The following PFKP variants were observed in gnomAD, a reference collection of about 807,000 sequenced individuals.
PFKP encodes the protein phosphofructokinase, platelet.
Under a neutral mutation model 94.3 loss-of-function variants are expected in PFKP, and 101 were observed. That is an observed-to-expected ratio of 1.07 (90% CI 0.91 to 1.26). PFKP has a LOEUF of 1.26. Among genes scored for constraint, PFKP ranks in the 50% most tolerant of loss-of-function variants. PFKP has a pLI of 0.00. For missense variants in PFKP, 1,145 were observed against 1,103.3 expected (o/e 1.04, Z -0.53); for synonymous variants, 573 against 432.6 (o/e 1.32, Z -4.03).
intron 11 of PFKP, among the ~76,000 whole-genome samples, chr10:3,112,774 G>T (rs1470200284): frequency 1.3e-5 from 2 of 152,166 alleles, no homozygotes; most frequent in East Asian, 3.9e-4. Flanking sequence ...CAACATGTTG[G>T]CCAGGCTGGT....
intron 1 of PFKP, among the ~76,000 whole-genome samples, chr10:3,077,257 TTTTC>T (rs1164922349): frequency 6.0e-5 from 6 of 100,592 alleles, no homozygotes; most frequent in African/African-American, 1.0e-4. Flanking sequence ...TACTTTTTTT[TTTTC>T]TTTTTTTTTT....
chr10:3,076,467 TTCTCCAAACG>T (rs1406439826), intron 1 of PFKP, among the ~76,000 whole-genome samples: 6 of 152,092 alleles, frequency 3.9e-5, no homozygotes, highest in Non-Finnish European at 8.8e-5. Flanking sequence ...CTTTCCTTCT[TTCTCCAAACG>T]TCACTCTCAG....
At chr10:3,079,401 A>C (rs1168747470) in intron 1 of PFKP, among the ~76,000 whole-genome samples, 6 of 151,580 alleles carry the variant, frequency 4.0e-5, no homozygotes, top group Non-Finnish European at 8.8e-5. Context: ...CGCCTGGCTA[A>C]TTTTTTGTAT....
intron 1 of PFKP, among the ~76,000 whole-genome samples, chr10:3,074,260 T>C (rs749353575): frequency 6.6e-6 from 1 of 152,076 alleles, no homozygotes; most frequent in Non-Finnish European, 1.5e-5. Context: ...TGTGGTGAGG[T>C]GCGGGTACGA....
intron 1 of PFKP, among the ~76,000 whole-genome samples, chr10:3,081,999 T>G (rs1018102913): frequency 4.0e-5 from 5 of 126,224 alleles, no homozygotes; most frequent in African/African-American, 1.4e-4. Context: ...TTTTTTTTTT[T>G]TTTTTTTTTT....
At chr10:3,107,525 C>T (rs1468948299) in intron 8 of PFKP, among the ~76,000 whole-genome samples, 5 of 152,226 alleles carry the variant, frequency 3.3e-5, no homozygotes, top group Non-Finnish European at 7.3e-5. Flanking sequence ...TTGCCGAGCC[C>T]GTAGAGGTTC....
intron 17 of PFKP, among the ~76,000 whole-genome samples, chr10:3,130,307 G>A (rs1382874944): frequency 1.3e-5 from 2 of 152,218 alleles, no homozygotes; most frequent in African/African-American, 2.4e-5. Flanking sequence ...CACCACCCAC[G>A]TCTGCGACAG....
In PFKP at chr10:3,129,950, T is replaced by A; in HGVS notation, c.1815T>A (p.Ile605=). ...CGGCCGGAGCTGATGCCGCATACATTTTCGAAGAGCCCTTCGACATCAGGG... is the reference window on the plus strand; with the variant it reads ...CGGCCGGAGCTGATGCCGCATACATATTCGAAGAGCCCTTCGACATCAGGG... ...GLAAGADAAY[I]FEEPFDIRDL... The change falls in exon 17 of 22, where the codon ATT becomes ATA. Residue 605 remains isoleucine (I), a synonymous_variant. Coordinates refer to ENST00000381125, the MANE Select transcript of PFKP (RefSeq NM_002627.5). The A allele has an allele frequency of 6.3e-7, 1 of 1,599,806 alleles. No individual in the cohort carries two copies. Among genetic ancestry groups the A allele is most frequent in the Non-Finnish European group, 8.5e-7 (1 of 1,172,008 alleles).
chr10:3,076,134 T>G lies in PFKP; in HGVS notation c.113-6254T>G, dbSNP rs189301976. Among the ~76,000 whole-genome samples the G allele has an allele frequency of 7.4e-3, 1,127 of 152,232 alleles. 13 individuals carry two copies. The highest frequency in any genetic ancestry group is 0.026 in the African/African-American group (1,094 of 41,530). On this transcript the variant is annotated intron_variant, in intron 1 of 21. Transcript: ENST00000381125. Reference sequence around the variant, plus strand: ...TGTAGATTATTCATATTTTACACTGTTTTCCGTAGTAAGTCTTTGAAACCC... The same window carrying G: ...TGTAGATTATTCATATTTTACACTGGTTTCCGTAGTAAGTCTTTGAAACCC...
chr10:3,092,856 C>G (rs1330759313), intron 2 of PFKP, among the ~76,000 whole-genome samples: 1 of 152,012 alleles, frequency 6.6e-6, no homozygotes, highest in Non-Finnish European at 1.5e-5. Flanking sequence ...TGCTGGTGCT[C>G]CCCTGTCTGA....
At chr10:3,074,312 T>G (rs1469968217) in intron 1 of PFKP, among the ~76,000 whole-genome samples, 1 of 152,190 alleles carries the variant, frequency 6.6e-6, no homozygotes, top group Non-Finnish European at 1.5e-5. Flanking sequence ...TCCTGTCTTA[T>G]GAAAGGGCCC....
chr10:3,080,881 A>G (rs559867599), intron 1 of PFKP, among the ~76,000 whole-genome samples: 1 of 152,210 alleles, frequency 6.6e-6, no homozygotes, highest in Non-Finnish European at 1.5e-5. Flanking sequence ...TGTTAGCAGC[A>G]TTCAGCGCCA....
intron 14 of PFKP, 149 bp downstream of exon 14, chr10:3,116,995 C>A (rs1403624930): frequency 4.3e-6 from 3 of 695,614 alleles, no homozygotes; most frequent in Non-Finnish European, 7.9e-6. Context: ...GTCCTCCCTC[C>A]AGTGGAACTG....
At position 3,079,667 on chromosome 10, in the gene PFKP, G is replaced by A. The variant is rs566452225; in HGVS notation, c.113-2721G>A. ...GAGGTCTTCAGAGAGCGGGGTGGGGGGGGGGGGAAGAGGAGCAGGGGTGAG... is the reference window on the plus strand; with the variant it reads ...GAGGTCTTCAGAGAGCGGGGTGGGGAGGGGGGGAAGAGGAGCAGGGGTGAG... On this transcript the variant is annotated intron_variant, in intron 1 of 21. Transcript: ENST00000381125. 2.5e-5 allele frequency among the ~76,000 whole-genome samples: 3 copies of A among 122,400 alleles called. 1 individual carries two copies. Among genetic ancestry groups the A allele is most frequent in the East Asian group, 2.8e-4 (1 of 3,548 alleles). The allele number at this position is 122,400 out of a possible 152,430, so 80.3% of individuals were successfully genotyped here. A position where few individuals can be genotyped will look rare whatever the true frequency, so the allele number is the denominator to read the frequency against.
chr10:3,100,918 C>A (rs763720074), intron 3 of PFKP: 1 of 1,577,018 alleles, frequency 6.3e-7, no homozygotes, highest in Admixed American at 1.7e-5. Context: ...GTTTTACTTG[C>A]AGGTGCTGTA....
chr10:3,129,960 C>A lies in PFKP; in HGVS notation c.1825C>A (p.Pro609Thr), dbSNP rs765991943. The A allele has an allele frequency of 1.3e-6, 2 of 1,589,490 alleles. No homozygotes were observed. The highest frequency in any genetic ancestry group is 2.7e-5 in the African/African-American group (2 of 74,610). ...GADAAYIFEE[P>T]FDIRDLQSNV... The stretch of plus-strand genomic sequence containing the variant: ...TGATGCCGCATACATTTTCGAAGAG[C>A]CCTTCGACATCAGGGATCTGCAGGT... The change falls in exon 17 of 22, where the codon CCC (proline) becomes ACC (threonine). Residue 609 changes from proline (P) to threonine (T), a missense_variant. Physicochemically the swap from Pro to Thr is conservative, Grantham distance 38. Around this residue, in one of 3 missense-constraint regions of PFKP, gnomAD observed 1,119 missense variants for 1,062.8 expected, o/e 1.05. Transcript: ENST00000381125.
At position 3,123,231 on chromosome 10, in the gene PFKP, C is replaced by T. The variant is rs139955996; in HGVS notation, c.1683+3187C>T. ...CCTTAGCACTGGCCCATTACTCCGT[C>T]CTGTAAGCTCGATAAGGTCACATCA... On this transcript the variant is annotated intron_variant, in intron 16 of 21. Transcript: ENST00000381125. Among the ~76,000 whole-genome samples the T allele has an allele frequency of 9.4e-3, 1,428 of 152,314 alleles. 13 individuals are homozygous for T. The highest frequency in any genetic ancestry group is 0.016 in the Non-Finnish European group (1,077 of 68,024).
chr10:3,095,887 C>T (rs1180425532), intron 2 of PFKP, among the ~76,000 whole-genome samples: 1 of 152,216 alleles, frequency 6.6e-6, no homozygotes, highest in Non-Finnish European at 1.5e-5. Flanking sequence ...CATTTCCTAG[C>T]AACTTAGCTC....
chr10:3,069,118 C>T (rs1380076642), intron 1 of PFKP: 28 of 523,464 alleles, frequency 5.3e-5, no homozygotes, highest in African/African-American at 2.2e-4. Flanking sequence ...GCTCCCCAGG[C>T]CCGCAGCGCA....
Sources: allele counts gnomAD v4.1 joint callset (sites outside exome capture counted in the v4.1 genomes callset), GRCh38; gene constraint gnomAD v4.1.1; regional missense constraint gnomAD v4.1.1; transcripts MANE v1.5; gene names NCBI Gene and HGNC (gene_info 2026-07-23, HGNC 2026-07-21).